Variants in TMEM9 observed in about 807,000 individuals in gnomAD.
TMEM9 encodes the protein proton-transporting V-type ATPase complex assembly regulator TMEM9.
A neutral mutation model predicts 22.8 loss-of-function variants in TMEM9; 13 were observed. The observed-to-expected ratio is 0.57, with a 90% confidence interval of 0.37 to 0.91. The LOEUF (loss-of-function observed/expected upper bound fraction) is 0.91. Ranked by LOEUF, TMEM9 falls within the 40% of genes least tolerant of loss-of-function variation. The probability of loss-of-function intolerance (pLI) is 0.01; values close to 1 mark genes in which losing one functional copy is unlikely to be tolerated. For synonymous variants in TMEM9, 88 were observed against 93.0 expected (o/e 0.95, Z 0.31); for missense variants, 182 against 238.1 (o/e 0.76, Z 1.55).
chr1:201,171,258 G>C (rs1324754611), intron 1 of TMEM9, among the ~76,000 whole-genome samples: 1 of 152,130 alleles, frequency 6.6e-6, no homozygotes, highest in Non-Finnish European at 1.5e-5. Context: ...CCGGACGGCG[G>C]GCTAAAAGCG....
intron 1 of TMEM9, among the ~76,000 whole-genome samples, chr1:201,152,457 T>C (rs1348118337): frequency 1.3e-5 from 2 of 152,212 alleles, no homozygotes; most frequent in African/African-American, 2.4e-5. Flanking sequence ...ACTCTCAGCC[T>C]TAACCTTACT....
At chr1:201,138,426 C>T (rs972574363) in intron 4 of TMEM9, among the ~76,000 whole-genome samples, 1 of 152,232 alleles carries the variant, frequency 6.6e-6, no homozygotes, top group African/African-American at 2.4e-5. Flanking sequence ...AGAGACAGCC[C>T]AGAGTGGGGC....
intron 4 of TMEM9, among the ~76,000 whole-genome samples, chr1:201,143,332 A>G (rs1455389169): frequency 6.6e-6 from 1 of 152,172 alleles, no homozygotes; most frequent in East Asian, 1.9e-4. Flanking sequence ...CCTGCCCGGC[A>G]CCACTGTCTC....
chr1:201,150,985 C>A (rs763886883), intron 2 of TMEM9, among the ~76,000 whole-genome samples: 1 of 152,210 alleles, frequency 6.6e-6, no homozygotes, highest in Non-Finnish European at 1.5e-5. Context: ...GCTCCCTCAA[C>A]TCATGCTTAA....
chr1:201,146,140 G>T (rs559173553), intron 3 of TMEM9, among the ~76,000 whole-genome samples: 2 of 152,210 alleles, frequency 1.3e-5, no homozygotes, highest in African/African-American at 4.8e-5. Flanking sequence ...TCTGCCTGGT[G>T]CAGGAATGAA....
intron 4 of TMEM9, among the ~76,000 whole-genome samples, chr1:201,141,895 CAT>C (rs1664559136): frequency 6.6e-6 from 1 of 152,154 alleles, no homozygotes; most frequent in South Asian, 2.1e-4. Context: ...TGGCAGGAGA[CAT>C]AACAAGGCCA....
chr1:201,135,190 T>C lies in TMEM9; in HGVS notation c.*473A>G, dbSNP rs3087914. The C allele has an allele frequency of 0.076, 11,311 of 148,866 alleles. 448 individuals carry two copies. The highest frequency in any genetic ancestry group is 0.14 in the East Asian group (704 of 5,140). 9.2% of individuals were successfully genotyped at this position (148,866 alleles called of 1,614,324 possible). A position where few individuals can be genotyped will look rare whatever the true frequency, so the allele number is the denominator to read the frequency against. ...GGAGCTGGGGCTGGGGCTGAGGCGC[T>C]GGGGCTGGGAGGGAGGTGGTGATAA... On this transcript the variant is annotated 3_prime_UTR_variant, in exon 5 of 5. Transcript: ENST00000367330.
chr1:201,138,230 G>C (rs1408293049), intron 4 of TMEM9, among the ~76,000 whole-genome samples: 1 of 152,206 alleles, frequency 6.6e-6, no homozygotes, highest in Non-Finnish European at 1.5e-5. Flanking sequence ...GGAAGCCAGG[G>C]AGAGCCCAGA....
chr1:201,157,920 C>T (rs936471488), upstream of TMEM9, among the ~76,000 whole-genome samples: 1 of 152,186 alleles, frequency 6.6e-6, no homozygotes, highest in African/African-American at 2.4e-5. Context: ...ATCCCTGGAA[C>T]TTGTGAATAC....
intron 1 of TMEM9, among the ~76,000 whole-genome samples, chr1:201,167,247 C>T (rs1024996895): frequency 3.9e-5 from 6 of 152,204 alleles, no homozygotes; most frequent in African/African-American, 9.7e-5. Context: ...CCACGCCACG[C>T]GGGCGACAGA....
At chr1:201,139,118 G>T (rs989535157) in intron 4 of TMEM9, among the ~76,000 whole-genome samples, 11 of 152,186 alleles carry the variant, frequency 7.2e-5, no homozygotes, top group Non-Finnish European at 1.3e-4. Context: ...TCTTCAGTCT[G>T]CCCAGAAGCA....
At chr1:201,142,028 C>A (rs1572105400) in intron 4 of TMEM9, among the ~76,000 whole-genome samples, 1 of 152,328 alleles carries the variant, frequency 6.6e-6, no homozygotes, top group East Asian at 1.9e-4. Flanking sequence ...GATGCTCCTC[C>A]CCTATCAGAG....
At chr1:201,157,422 C>A (rs1346527566), upstream of TMEM9, among the ~76,000 whole-genome samples, 1 of 152,166 alleles carries the variant, frequency 6.6e-6, no homozygotes, top group East Asian at 1.9e-4. Flanking sequence ...TGCCAGCATT[C>A]CTCCGTGCAA....
In TMEM9 at chr1:201,143,931, C is replaced by G; in HGVS notation, c.288G>C (p.Leu96=). The part of the protein sequence containing the change: ...TTIKVIIVIY[L]SVVGALLLYM... ...AGAGCAACAGGGCACCCACCACGGA[C>G]AGGTAGATGACAATGATGACCTGAG... Residue 96 remains leucine (L), a synonymous_variant, in exon 4 of 5, where the codon CTG becomes CTC. Transcript: ENST00000367330. The G allele has an allele frequency of 6.2e-7, 1 of 1,614,130 alleles. No individual in the cohort carries two copies. The highest frequency in any genetic ancestry group is 1.1e-5 in the South Asian group (1 of 91,078).
chr1:201,153,341 T>G (rs1365268744), intron 1 of TMEM9, among the ~76,000 whole-genome samples: 3 of 152,244 alleles, frequency 2.0e-5, no homozygotes, highest in African/African-American at 7.2e-5. Flanking sequence ...ACGCCTTTGC[T>G]TTCTGATGGT....
At chr1:201,162,018 G>A (rs831747) in intron 1 of TMEM9, among the ~76,000 whole-genome samples, 103,131 of 152,060 alleles carry the variant, frequency 0.68, 35,107 homozygotes, top group East Asian at 0.78. Context: ...TATATTTATA[G>A]GGTGATTGAA....
At chr1:201,165,890 A>G (rs1212041290) in intron 1 of TMEM9, among the ~76,000 whole-genome samples, 3 of 152,204 alleles carry the variant, frequency 2.0e-5, no homozygotes, top group African/African-American at 7.2e-5. Context: ...TGTCAGGAGC[A>G]GGGGAAAGCA....
chr1:201,156,614 G>A (rs146973844), upstream of TMEM9, among the ~76,000 whole-genome samples: 7 of 152,206 alleles, frequency 4.6e-5, no homozygotes, highest in South Asian at 6.2e-4. Context: ...ACTGCCAGTC[G>A]TTATCTTTCA....
rs766506051 is a variant in TMEM9 at position 201,135,841 on chromosome 1, G to A, written c.400-26C>T. On this transcript the variant is annotated intron_variant, in intron 4 of 4. Transcript: ENST00000367330. ...CTGTAGTGGGAAGAAAAAAAGAGAA[G>A]ATCTGGCACGGTAAGCCAGAAGGGT... is the stretch of plus-strand genomic sequence containing the variant. 1.9e-6 allele frequency: 3 copies of A among 1,564,438 alleles called. No individual in the cohort carries two copies. In the East Asian group the frequency reaches 7.1e-5, roughly 37 times the overall value.
Sources: gnomAD v4.1 joint callset for allele counts (sites outside exome capture counted in the v4.1 genomes callset) on GRCh38, gnomAD v4.1.1 for gene constraint, MANE v1.5 for transcripts, NCBI Gene and HGNC (gene_info 2026-07-23, HGNC 2026-07-21) for gene names.